Variants in GRIA4 observed in about 807,000 individuals in gnomAD.
The protein encoded by GRIA4 is glutamate receptor 4.
Under a neutral mutation model 104.0 loss-of-function variants are expected in GRIA4, and 34 were observed. The ratio of observed to expected loss-of-function variants is 0.33; its 90% CI spans 0.25 to 0.44. The LOEUF is 0.44. Among genes scored for constraint, GRIA4 ranks in the 20% least tolerant of loss-of-function variants. The probability of loss-of-function intolerance (pLI) is 1.00; values close to 1 mark genes in which losing one functional copy is unlikely to be tolerated. For missense variants in GRIA4, 750 were observed against 1,096.5 expected (o/e 0.68, Z 4.46); for synonymous variants, 386 against 381.9 (o/e 1.01, Z -0.13).
At chr11:105,722,286 TATG>T (rs939961296) in intron 3 of GRIA4, among the ~76,000 whole-genome samples, 12 of 152,150 alleles carry the variant, frequency 7.9e-5, no homozygotes, top group African/African-American at 2.9e-4. Context: ...GTTTGTGAAT[TATG>T]ATAAGCTTAT....
chr11:105,694,136 T>C (rs2135502537), intron 3 of GRIA4, among the ~76,000 whole-genome samples: 1 of 148,450 alleles, frequency 6.7e-6, no homozygotes, highest in South Asian at 2.2e-4. Flanking sequence ...AATGCATTTT[T>C]AAGAAGAAAC....
chr11:105,612,313 T>C lies in GRIA4; in HGVS notation c.126T>C (p.Thr42=), dbSNP rs1382110366. The change falls in exon 3 of 17, where the codon ACT becomes ACC. Residue 42 remains threonine, a synonymous_variant. Coordinates refer to ENST00000282499, the MANE Select transcript of GRIA4 (RefSeq NM_000829.4). The part of the protein sequence containing the change: ...LFIRNTDQEY[T]AFRLAIFLHN... ...TCCGAAACACAGATCAGGAATACACTGCTTTTCGATTAGCAATTTTTCTTC... is the reference window on the plus strand; with the variant it reads ...TCCGAAACACAGATCAGGAATACACCGCTTTTCGATTAGCAATTTTTCTTC... The C allele has an allele frequency of 9.9e-6, 16 of 1,614,182 alleles. No individual in the cohort carries two copies. Among genetic ancestry groups the C allele is most frequent in the Non-Finnish European group, 1.4e-5 (16 of 1,179,986 alleles).
intron 3 of GRIA4, among the ~76,000 whole-genome samples, chr11:105,634,240 G>C (rs1951117205): frequency 6.6e-6 from 1 of 151,720 alleles, no homozygotes; most frequent in African/African-American, 2.4e-5. Context: ...CCAGCTACTG[G>C]GGAGGCTGAG....
At chr11:105,641,559 C>T (rs1187876206) in intron 3 of GRIA4, among the ~76,000 whole-genome samples, 1 of 152,120 alleles carries the variant, frequency 6.6e-6, no homozygotes, top group African/African-American at 2.4e-5. Context: ...CAAGATAGAG[C>T]ATATCTTACA....
intron 3 of GRIA4, among the ~76,000 whole-genome samples, chr11:105,665,523 C>A (rs933399522): frequency 6.6e-6 from 1 of 151,914 alleles, no homozygotes; most frequent in African/African-American, 2.4e-5. Flanking sequence ...GAGGATACTG[C>A]AGGAAGCCAG....
At chr11:105,763,917 G>A (rs976498754) in intron 4 of GRIA4, among the ~76,000 whole-genome samples, 5 of 152,060 alleles carry the variant, frequency 3.3e-5, no homozygotes, top group Admixed American at 1.3e-4. Flanking sequence ...TTTTAGCAAC[G>A]GGTATGTCAG....
chr11:105,643,729 G>A (rs907039256), intron 3 of GRIA4, among the ~76,000 whole-genome samples: 3 of 151,868 alleles, frequency 2.0e-5, no homozygotes, highest in African/African-American at 7.2e-5. Flanking sequence ...TTTTGTTTTT[G>A]CTTTTTTGAG....
At chr11:105,919,780 C>T (rs576833999) in intron 11 of GRIA4, among the ~76,000 whole-genome samples, 10 of 152,160 alleles carry the variant, frequency 6.6e-5, no homozygotes, top group Non-Finnish European at 1.3e-4. Flanking sequence ...CTCTATTCAT[C>T]GAGTAACCAA....
chr11:105,974,348 C>G lies in GRIA4; in HGVS notation c.2448C>G (p.Gly816=). Reference sequence around the variant, plus strand: ...CCTTGAGCCTGAGCAATGTAGCAGGCGTCTTCTACATTCTGGTTGGCGGCT... The same window carrying G: ...CCTTGAGCCTGAGCAATGTAGCAGGGGTCTTCTACATTCTGGTTGGCGGCT... The part of the protein sequence containing the change: ...TSALSLSNVA[G]VFYILVGGLG... Residue 816 remains glycine, a synonymous_variant, in exon 16 of 17, where the codon GGC becomes GGG. Coordinates refer to ENST00000282499, the MANE Select transcript of GRIA4 (RefSeq NM_000829.4). The G allele has an allele frequency of 1.2e-6, 2 of 1,613,784 alleles. No homozygotes were observed. Among genetic ancestry groups the G allele is most frequent in the East Asian group, 2.2e-5 (1 of 44,882 alleles).
chr11:105,676,400 T>C (rs1374243291), intron 3 of GRIA4, among the ~76,000 whole-genome samples: 1 of 151,714 alleles, frequency 6.6e-6, no homozygotes, highest in Non-Finnish European at 1.5e-5. Context: ...CTTCCTTCAA[T>C]AATGACTAAA....
At chr11:105,795,211 T>C (rs913936306) in intron 4 of GRIA4, among the ~76,000 whole-genome samples, 10 of 152,180 alleles carry the variant, frequency 6.6e-5, no homozygotes, top group African/African-American at 2.4e-4. Context: ...TTCACCAGAA[T>C]GTTTAATAGG....
chr11:105,785,442 A>G lies in GRIA4; in HGVS notation c.487+32222A>G, dbSNP rs182075328. Among the ~76,000 whole-genome samples, 23 of 152,314 alleles carry G rather than the reference A, an allele frequency of 1.5e-4. No homozygotes were observed. The East Asian group carries it at 4.1e-3, about 27-fold the overall frequency. On this transcript the variant is annotated intron_variant, in intron 4 of 16. Coordinates refer to ENST00000282499, the MANE Select transcript of GRIA4 (RefSeq NM_000829.4). The stretch of plus-strand genomic sequence containing the variant: ...GAACAGAATGAAAAATGGTAAATAA[A>G]TAGAACACCAGTTAAGATTTATTTA...
chr11:105,653,914 T>C (rs145928580), intron 3 of GRIA4, among the ~76,000 whole-genome samples: 1 of 145,804 alleles, frequency 6.9e-6, no homozygotes, highest in Non-Finnish European at 1.5e-5. Flanking sequence ...AATTAGTTTG[T>C]GGGGGAAAAT....
At chr11:105,646,191 T>A (rs148852891) in intron 3 of GRIA4, among the ~76,000 whole-genome samples, 154 of 152,346 alleles carry the variant, frequency 1.0e-3, no homozygotes, top group African/African-American at 3.6e-3. Flanking sequence ...TCACAGTCTC[T>A]AAAAGTAGTA....
At chr11:105,938,965 T>C (rs1462815954) in intron 14 of GRIA4, among the ~76,000 whole-genome samples, 2 of 152,220 alleles carry the variant, frequency 1.3e-5, no homozygotes, top group Non-Finnish European at 2.9e-5. Context: ...TTCTAAATTT[T>C]TCATTTAAAT....
intron 3 of GRIA4, chr11:105,613,123 C>A (rs1950519782): frequency 6.6e-6 from 1 of 152,260 alleles, no homozygotes; most frequent in Non-Finnish European, 1.5e-5. Context: ...CACCAACCAA[C>A]CCAGCTTTAT....
At chr11:105,767,194 T>TGATCA (rs1940983770) in intron 4 of GRIA4, among the ~76,000 whole-genome samples, 1 of 152,088 alleles carries the variant, frequency 6.6e-6, no homozygotes, top group Non-Finnish European at 1.5e-5. Flanking sequence ...GGAGCATGTG[T>TGATCA]GATCACTGAA....
chr11:105,907,131 G>T (rs1261681558), intron 9 of GRIA4, among the ~76,000 whole-genome samples: 2 of 152,128 alleles, frequency 1.3e-5, no homozygotes, highest in Admixed American at 6.5e-5. Flanking sequence ...AATATGAAGT[G>T]GGCTATTCAT....
At chr11:105,672,918 T>A (rs1458189397) in intron 3 of GRIA4, among the ~76,000 whole-genome samples, 1 of 152,080 alleles carries the variant, frequency 6.6e-6, no homozygotes, top group African/African-American at 2.4e-5. Flanking sequence ...TAAAATTTTA[T>A]TTTTAAAATT....
Sources: gnomAD v4.1 joint callset for allele counts (sites outside exome capture counted in the v4.1 genomes callset) on GRCh38, gnomAD v4.1.1 for gene constraint, MANE v1.5 for transcripts, NCBI Gene and HGNC (gene_info 2026-07-23, HGNC 2026-07-21) for gene names.